RORA: variants seen among roughly 807,000 people sequenced by gnomAD.
RORA encodes the protein RAR related orphan receptor A.
RORA carries 7 observed loss-of-function variants against 69.5 expected under a neutral mutation model. The observed-to-expected ratio is 0.10, with a 90% CI of 0.06 to 0.19. The LOEUF (loss-of-function observed/expected upper bound fraction) is 0.19. Ranked by LOEUF, RORA falls within the 10% of genes least tolerant of loss-of-function variation. The pLI, the probability that RORA is intolerant of heterozygous loss-of-function variation, is 1.00. For synonymous variants in RORA, 261 were observed against 240.8 expected (o/e 1.08, Z -0.78); for missense variants, 457 against 663.0 (o/e 0.69, Z 3.41).
At chr15:60,532,420 T>C (rs2066552661) in intron 2 of RORA, among the ~76,000 whole-genome samples, 1 of 152,182 alleles carries the variant, frequency 6.6e-6, no homozygotes, top group African/African-American at 2.4e-5. Flanking sequence ...CTTTCAACCA[T>C]AGAGTTAATA....
intron 1 of RORA, among the ~76,000 whole-genome samples, chr15:61,135,492 T>A (rs2079229476): frequency 6.6e-6 from 1 of 151,620 alleles, no homozygotes; most frequent in Non-Finnish European, 1.5e-5. Context: ...TCCCAAAGTG[T>A]TAGAATAATA....
chr15:60,524,116 C>CA (rs915661120), intron 3 of RORA, among the ~76,000 whole-genome samples: 5 of 152,202 alleles, frequency 3.3e-5, no homozygotes, highest in African/African-American at 1.2e-4. Flanking sequence ...CACCCATATT[C>CA]AAGCATCACC....
intron 2 of RORA, among the ~76,000 whole-genome samples, chr15:60,581,933 T>C (rs2068206482): frequency 1.3e-5 from 2 of 152,222 alleles, no homozygotes; most frequent in South Asian, 2.1e-4. Flanking sequence ...AGACGATACA[T>C]TGGGAGAGAC....
intron 1 of RORA, among the ~76,000 whole-genome samples, chr15:60,843,208 A>C (rs1044354614): frequency 6.6e-6 from 1 of 152,178 alleles, no homozygotes; most frequent in Non-Finnish European, 1.5e-5. Context: ...AAGCACAAAC[A>C]TGCACAAATC....
intron 1 of RORA, among the ~76,000 whole-genome samples, chr15:60,987,640 A>T (rs1894245744): frequency 6.6e-6 from 1 of 152,162 alleles, no homozygotes; most frequent in Non-Finnish European, 1.5e-5. Flanking sequence ...TGGGGATTTC[A>T]TCGTCTCCCC....
intron 1 of RORA, among the ~76,000 whole-genome samples, chr15:60,879,399 T>G (rs1204034452): frequency 2.0e-5 from 3 of 152,122 alleles, no homozygotes; most frequent in African/African-American, 7.2e-5. Context: ...GTATATGAGA[T>G]AATATATTTA....
At chr15:60,861,275 T>A (rs1188644055) in intron 1 of RORA, among the ~76,000 whole-genome samples, 1 of 151,994 alleles carries the variant, frequency 6.6e-6, no homozygotes, top group African/African-American at 2.4e-5. Context: ...AGAAAAAAAA[T>A]GTGCTTATCT....
At chr15:61,102,290 T>C (rs531113011) in intron 1 of RORA, among the ~76,000 whole-genome samples, 1 of 152,244 alleles carries the variant, frequency 6.6e-6, no homozygotes, top group Admixed American at 6.5e-5. Flanking sequence ...GGGGTGCCAA[T>C]GAGTGGACTA....
intron 1 of RORA, among the ~76,000 whole-genome samples, chr15:61,043,292 G>A (rs562491408): frequency 3.4e-4 from 52 of 152,280 alleles, no homozygotes; most frequent in African/African-American, 1.2e-3. Flanking sequence ...AACCACAGAT[G>A]ACAGAGTACA....
chr15:60,741,458 A>G (rs936626926), intron 1 of RORA, among the ~76,000 whole-genome samples: 7 of 152,170 alleles, frequency 4.6e-5, no homozygotes, highest in African/African-American at 1.7e-4. Flanking sequence ...GGAAAGTGAG[A>G]TGGGTCTATG....
At chr15:60,560,420 C>G (rs1398410753) in intron 2 of RORA, among the ~76,000 whole-genome samples, 1 of 152,036 alleles carries the variant, frequency 6.6e-6, no homozygotes, top group Admixed American at 6.6e-5. Context: ...ACTCAGCCAG[C>G]TGCCATGACT....
intron 1 of RORA, among the ~76,000 whole-genome samples, chr15:60,888,067 T>C (rs2073771243): frequency 6.6e-6 from 1 of 152,242 alleles, no homozygotes; most frequent in Non-Finnish European, 1.5e-5. Flanking sequence ...ATCCTTGCCC[T>C]GCTCCTCAAC....
intron 1 of RORA, among the ~76,000 whole-genome samples, chr15:61,035,108 T>G (rs2140454927): frequency 6.6e-6 from 1 of 152,270 alleles, no homozygotes; most frequent in Middle Eastern, 3.4e-3. Context: ...TTGGGAATGG[T>G]TTTGTTCTGA....
At chr15:60,813,116 A>G (rs1190053792) in intron 1 of RORA, among the ~76,000 whole-genome samples, 29 of 152,186 alleles carry the variant, frequency 1.9e-4, no homozygotes, top group Non-Finnish European at 1.5e-5. Flanking sequence ...CAAAGGCACC[A>G]TAGGAGAGAA....
chr15:61,003,331 G>T (rs930744379), intron 1 of RORA, among the ~76,000 whole-genome samples: 1 of 152,130 alleles, frequency 6.6e-6, no homozygotes, highest in African/African-American at 2.4e-5. Flanking sequence ...TATGTAATCT[G>T]CTGATTTAGT....
rs1030465858 is a variant in RORA at position 60,937,764 on chromosome 15, C to A, written c.167-259078G>T. ...ACCTTGAGCAAATCACCCAGCCACT[C>A]TGGCCATCTGAAATATTATCAGTCA... On this transcript the variant is annotated intron_variant, in intron 1 of 10. Coordinates refer to ENST00000335670, the MANE Select transcript of RORA (RefSeq NM_134261.3). Among the ~76,000 whole-genome samples, 3 of 152,182 alleles carry A rather than the reference C, an allele frequency of 2.0e-5. No homozygotes were observed. The East Asian group carries it at 5.8e-4, about 29-fold the overall frequency.
chr15:61,122,384 C>G (rs1011836054), intron 1 of RORA, among the ~76,000 whole-genome samples: 1 of 151,976 alleles, frequency 6.6e-6, no homozygotes, highest in Non-Finnish European at 1.5e-5. Context: ...AGACACAAGA[C>G]CTATGCAGCT....
intron 1 of RORA, among the ~76,000 whole-genome samples, chr15:61,073,084 T>C (rs973254613): frequency 6.6e-6 from 1 of 152,228 alleles, no homozygotes; most frequent in Non-Finnish European, 1.5e-5. Flanking sequence ...CTTAACTCTC[T>C]GTAGAAAAGA....
chr15:61,023,877 A>G (rs1209049507), intron 1 of RORA, among the ~76,000 whole-genome samples: 1 of 152,208 alleles, frequency 6.6e-6, no homozygotes, highest in Non-Finnish European at 1.5e-5. Flanking sequence ...CCACTAACTC[A>G]AGAATAAGCA....
Sources: allele counts gnomAD v4.1 joint callset (sites outside exome capture counted in the v4.1 genomes callset), GRCh38; gene constraint gnomAD v4.1.1; transcripts MANE v1.5; gene names NCBI Gene and HGNC (gene_info 2026-07-23, HGNC 2026-07-21).